CCDC57: variants seen among roughly 807,000 people sequenced by gnomAD.
CCDC57 encodes the protein coiled-coil domain-containing protein 57.
CCDC57 carries 118 observed loss-of-function variants against 118.9 expected under a neutral mutation model. The ratio of observed to expected loss-of-function variants is 0.99; its 90% CI spans 0.86 to 1.16. The LOEUF is 1.16. CCDC57 is among the 50% of genes most tolerant of loss of function. The probability of loss-of-function intolerance (pLI) is 0.00; values close to 1 mark genes in which losing one functional copy is unlikely to be tolerated. For missense variants in CCDC57, 1,300 were observed against 1,320.7 expected (o/e 0.98, Z 0.24); for synonymous variants, 527 against 532.9 (o/e 0.99, Z 0.15).
At chr17:82,129,967 T>C (rs1031505699) in intron 17 of CCDC57, among the ~76,000 whole-genome samples, 14 of 151,886 alleles carry the variant, frequency 9.2e-5, no homozygotes, top group African/African-American at 3.1e-4. Flanking sequence ...GAGGCCGAGG[T>C]GGAAGAATCC....
At chr17:82,195,989 T>C (rs1344881168) in intron 4 of CCDC57, among the ~76,000 whole-genome samples, 1 of 152,196 alleles carries the variant, frequency 6.6e-6, no homozygotes, top group African/African-American at 2.4e-5. Flanking sequence ...GTTCCCAACG[T>C]CTGAGATGGC....
intron 13 of CCDC57, among the ~76,000 whole-genome samples, chr17:82,168,277 GCT>G (rs909734135): frequency 1.3e-5 from 2 of 152,170 alleles, no homozygotes; most frequent in African/African-American, 4.8e-5. Context: ...GCTGTGCATC[GCT>G]CTCTCTGTGT....
At chr17:82,121,416 G>A in intron 19 of CCDC57, among the ~76,000 whole-genome samples, 1 of 152,178 alleles carries the variant, frequency 6.6e-6, no homozygotes, top group Non-Finnish European at 1.5e-5. Flanking sequence ...CTCACTCACA[G>A]GGCTCAGGGT....
intron 13 of CCDC57, among the ~76,000 whole-genome samples, chr17:82,163,893 G>A (rs1003452618): frequency 3.3e-5 from 5 of 152,192 alleles, no homozygotes; most frequent in South Asian, 4.2e-4. Context: ...AAATTAGAGG[G>A]GCCAGGTGCA....
At chr17:82,134,372 G>C in intron 16 of CCDC57, 178 bp from the exon 16 acceptor site, 3 of 489,404 alleles carry the variant, frequency 6.1e-6, no homozygotes, top group Non-Finnish European at 9.7e-6. Context: ...CAGCATTTCG[G>C]TAGAGCTCTT....
At chr17:82,178,853 G>A (rs1389019306) in intron 10 of CCDC57, among the ~76,000 whole-genome samples, 174 bp downstream of exon 9, 1 of 152,160 alleles carries the variant, frequency 6.6e-6, no homozygotes, top group African/African-American at 2.4e-5. Flanking sequence ...GAAAGTCAAG[G>A]CGGGTGGACA....
intron 17 of CCDC57, among the ~76,000 whole-genome samples, chr17:82,129,657 C>T (rs1390872174): frequency 6.6e-6 from 1 of 152,162 alleles, no homozygotes; most frequent in African/African-American, 2.4e-5. Flanking sequence ...TCTGATCAGA[C>T]CCTTTGCCTG....
intron 1 of CCDC57, among the ~76,000 whole-genome samples, chr17:82,208,605 G>C (rs372582405): frequency 6.6e-6 from 1 of 151,974 alleles, no homozygotes; most frequent in South Asian, 2.1e-4. Flanking sequence ...GCAGGTCTGG[G>C]GTGGCTCATT....
intron 19 of CCDC57, among the ~76,000 whole-genome samples, chr17:82,120,523 C>T (rs1339619954): frequency 6.6e-6 from 1 of 152,178 alleles, no homozygotes; most frequent in Non-Finnish European, 1.5e-5. Context: ...AGTGGCACCC[C>T]TTACTTCACC....
chr17:82,128,402 C>G, intron 18 of CCDC57, 91 bp downstream of exon 17: 3 of 815,264 alleles, frequency 3.7e-6, no homozygotes, highest in Non-Finnish European at 5.8e-6. Context: ...AGAGCGAAGG[C>G]CCCTCCGAGA....
intron 4 of CCDC57, among the ~76,000 whole-genome samples, chr17:82,197,558 T>A (rs893062741): frequency 3.3e-5 from 5 of 152,262 alleles, no homozygotes; most frequent in Admixed American, 3.3e-4. Context: ...TTCATGTTTT[T>A]AAAATTATAC....
In CCDC57 at chr17:82,126,084, G is replaced by A. The variant is rs568216066; in HGVS notation, c.2899+1608C>T. Among the ~76,000 whole-genome samples, 30 of 152,132 alleles carry A rather than the reference G, an allele frequency of 2.0e-4. No individual in the cohort carries two copies. The East Asian group carries it at 4.6e-3, about 24-fold the overall frequency. The stretch of plus-strand genomic sequence containing the variant: ...TCAACTGAGGTCAGGAGTTCGAGAC[G>A]AGCCAGCCCAGCATTGTGAAACCCC... On this transcript the variant is annotated intron_variant, in intron 19 of 19. Coordinates refer to ENST00000665763, the Ensembl canonical transcript of CCDC57.
At chr17:82,171,358 G>C (rs1469784872) in intron 13 of CCDC57, among the ~76,000 whole-genome samples, 13 of 146,208 alleles carry the variant, frequency 8.9e-5, no homozygotes, top group Admixed American at 8.9e-4. Flanking sequence ...AACAGGGAGG[G>C]CTGACTGCAG....
rs184132863 is a variant in CCDC57, at chr17:82,171,832, G to C, written c.1751C>G (p.Ala584Gly). 2.0e-4 allele frequency: 325 copies of C among 1,613,580 alleles called. 2 individuals are homozygous for C. The African/African-American group carries it at 3.9e-3, about 19-fold the overall frequency. ...CTTATGCTTTAGAGTTCGTATTTCT[G>C]CTTCAAGGGCCAGAACATAATCTGC... Residue 584 changes from alanine (A) to glycine (G), a missense_variant, in exon 13 of 20, where the codon GCA becomes GGA. Coordinates refer to ENST00000665763, the Ensembl canonical transcript of CCDC57.
intron 11 of CCDC57, among the ~76,000 whole-genome samples, chr17:82,177,117 T>C (rs1456980756): frequency 6.6e-6 from 1 of 151,976 alleles, no homozygotes; most frequent in South Asian, 2.1e-4. Context: ...TGGTGGCTCA[T>C]GCCTGTAATC....
At chr17:82,115,126 G>C (rs766515316) in intron 19 of CCDC57, among the ~76,000 whole-genome samples, 4 of 152,224 alleles carry the variant, frequency 2.6e-5, no homozygotes, top group Admixed American at 1.3e-4. Flanking sequence ...GATTCCACCA[G>C]CTGGGGCTGT....
At chr17:82,131,625 G>A (rs2038380177) in intron 17 of CCDC57, among the ~76,000 whole-genome samples, 1 of 152,128 alleles carries the variant, frequency 6.6e-6, no homozygotes, top group African/African-American at 2.4e-5. Flanking sequence ...GGTGGTGCAT[G>A]CCTGTAGTCC....
intron 19 of CCDC57, among the ~76,000 whole-genome samples, chr17:82,108,616 C>T (rs946540210): frequency 2.6e-5 from 4 of 152,196 alleles, no homozygotes; most frequent in African/African-American, 7.2e-5. Flanking sequence ...AAGAGCTAAA[C>T]GGAAATACCT....
At position 82,178,717 on chromosome 17, in the gene CCDC57, C is replaced by A. The variant is rs1176570186; in HGVS notation, c.1375-112G>T. ...GAGATGCTCAGAGCACCAGGCTCCC[C>A]ACTGTGGCCAGGCCGCCAAACCCTT... On this transcript the variant is annotated intron_variant, in intron 10 of 19. Coordinates refer to ENST00000665763, the Ensembl canonical transcript of CCDC57. The A allele has an allele frequency of 4.1e-6, 6 of 1,449,846 alleles. No homozygotes were observed. In the East Asian group the frequency reaches 7.1e-5, roughly 17 times the overall value. 89.8% of individuals were successfully genotyped at this position (1,449,846 alleles called of 1,614,324 possible). A position where few individuals can be genotyped will look rare whatever the true frequency, so the allele number is the denominator to read the frequency against.
Sources: allele counts gnomAD v4.1 joint callset (sites outside exome capture counted in the v4.1 genomes callset), GRCh38; gene constraint gnomAD v4.1.1; transcripts MANE v1.5; gene names NCBI Gene and HGNC (gene_info 2026-07-23, HGNC 2026-07-21).